SYT1: variants seen among roughly 807,000 people sequenced by gnomAD.
The protein encoded by SYT1 is synaptotagmin-1.
A neutral mutation model predicts 44.8 loss-of-function variants in SYT1; 8 were observed. The ratio of observed to expected loss-of-function variants is 0.18; its 90% CI spans 0.10 to 0.32. The LOEUF (loss-of-function observed/expected upper bound fraction) is 0.32, where lower values mean the gene tolerates loss of function less well. SYT1 is among the 10% of genes least tolerant of loss of function. The pLI is 1.00. For missense variants in SYT1, 286 were observed against 509.3 expected, an observed-to-expected ratio of 0.56 and a Z score of 4.22; for synonymous variants, 154 against 188.8, an observed-to-expected ratio of 0.82 and a Z score of 1.51.
At chr12:79,093,728 A>C (rs561556153) in intron 3 of SYT1, among the ~76,000 whole-genome samples, 3 of 151,856 alleles carry the variant, frequency 2.0e-5, no homozygotes, top group Admixed American at 6.6e-5. Flanking sequence ...ACAACAAAAA[A>C]TCCTTATGCC....
intron 4 of SYT1, among the ~76,000 whole-genome samples, chr12:79,262,725 G>C (rs977964922): frequency 3.3e-5 from 5 of 152,164 alleles, no homozygotes; most frequent in African/African-American, 1.2e-4. Flanking sequence ...GAAATGTACT[G>C]CAACTCTCAT....
chr12:79,431,749 G>C (rs1206336075), intron 9 of SYT1, among the ~76,000 whole-genome samples: 2 of 151,912 alleles, frequency 1.3e-5, no homozygotes, highest in African/African-American at 4.8e-5. Flanking sequence ...CACCATGTTG[G>C]TCAGGCTGGT....
intron 3 of SYT1, among the ~76,000 whole-genome samples, chr12:79,168,498 A>C (rs2138338705): frequency 6.6e-6 from 1 of 152,210 alleles, no homozygotes; most frequent in African/African-American, 2.4e-5. Context: ...TCTCTTTCAC[A>C]CAGAATATTG....
Position 79,444,155 on chromosome 12 carries a change from C to T in SYT1, c.1011C>T (p.Asn337=). Reference sequence around the variant, plus strand: ...CAACAATTAAAAAGAACACACTTAACCCCTACTACAATGAGTCATTCAGCT... The same window carrying T: ...CAACAATTAAAAAGAACACACTTAATCCCTACTACAATGAGTCATTCAGCT... ...KKTTIKKNTL[N]PYYNESFSFE... Residue 337 remains asparagine, a synonymous_variant, in exon 10 of 11, where the codon AAC becomes AAT. Transcript: ENST00000261205. The T allele has an allele frequency of 6.2e-7, 1 of 1,613,708 alleles. No individual in the cohort carries two copies. Among genetic ancestry groups the T allele is most frequent in the Non-Finnish European group, 8.5e-7 (1 of 1,179,712 alleles).
chr12:79,293,719 G>T (rs895466441), intron 6 of SYT1, among the ~76,000 whole-genome samples: 11 of 152,156 alleles, frequency 7.2e-5, no homozygotes, highest in Non-Finnish European at 1.3e-4. Context: ...ACTTTCTAAA[G>T]TTTCCAGAGG....
chr12:78,918,595 G>A (rs768322348), intron 1 of SYT1, among the ~76,000 whole-genome samples: 5 of 152,022 alleles, frequency 3.3e-5, no homozygotes, highest in East Asian at 3.9e-4. Flanking sequence ...CCTGAGCAGC[G>A]CAAATGCTCC....
chr12:79,273,444 G>T (rs1878541501), intron 4 of SYT1, among the ~76,000 whole-genome samples: 1 of 152,092 alleles, frequency 6.6e-6, no homozygotes, highest in Admixed American at 6.5e-5. Context: ...AAGGAAAAGA[G>T]AAACTTAACA....
At chr12:79,176,708 C>T (rs1374273340) in intron 3 of SYT1, among the ~76,000 whole-genome samples, 2 of 151,992 alleles carry the variant, frequency 1.3e-5, no homozygotes, top group Admixed American at 1.3e-4. Context: ...TATACCTTTG[C>T]TTACACCAAA....
chr12:79,159,485 G>C (rs748238882), intron 3 of SYT1, among the ~76,000 whole-genome samples: 3 of 152,142 alleles, frequency 2.0e-5, no homozygotes, highest in Non-Finnish European at 4.4e-5. Context: ...GAGAGACAGA[G>C]AGATAGACCA....
chr12:79,339,195 G>T (rs1882241384), intron 8 of SYT1, among the ~76,000 whole-genome samples: 1 of 152,154 alleles, frequency 6.6e-6, no homozygotes, highest in Non-Finnish European at 1.5e-5. Context: ...GTAATGGGAT[G>T]GCTGGGTCAA....
At chr12:79,136,392 C>G (rs1006375706) in intron 3 of SYT1, among the ~76,000 whole-genome samples, 14 of 152,136 alleles carry the variant, frequency 9.2e-5, no homozygotes, top group Non-Finnish European at 8.8e-5. Flanking sequence ...GGAATTGGAA[C>G]CCAATGTACT....
chr12:78,949,477 T>TA (rs1555183718), intron 1 of SYT1, among the ~76,000 whole-genome samples: 2,581 of 143,734 alleles, frequency 0.018, 33 homozygotes, highest in African/African-American at 0.029. Flanking sequence ...TATAGCTCAT[T>TA]AAAAAAAAAA....
intron 1 of SYT1, among the ~76,000 whole-genome samples, chr12:78,933,383 A>G (rs935550059): frequency 6.6e-6 from 1 of 152,182 alleles, no homozygotes; most frequent in African/African-American, 2.4e-5. Context: ...AGGAGCTAGA[A>G]CTTACTAAAT....
chr12:78,867,490 T>C (rs993969836), intron 1 of SYT1, among the ~76,000 whole-genome samples: 2 of 152,086 alleles, frequency 1.3e-5, no homozygotes, highest in African/African-American at 4.8e-5. Context: ...TAGGAAATTC[T>C]TACTTTGTTA....
Position 79,184,974 on chromosome 12 carries a change from G to T in SYT1, c.-17-32529G>T, listed in dbSNP as rs184524078. ...AGGATCTCTTTCCTGACATAAAACT[G>T]CATGAGCTGTGTTCTTACCGCAAGA... On this transcript the variant is annotated intron_variant, in intron 3 of 10. Transcript: ENST00000261205. Among the ~76,000 whole-genome samples the T allele has an allele frequency of 1.2e-4, 18 of 152,128 alleles. No homozygotes were observed. The East Asian group carries it at 3.3e-3, about 28-fold the overall frequency.
At position 79,291,991 on chromosome 12, in the gene SYT1, C is replaced by A. The variant is rs760027703; in HGVS notation, c.352-17C>A. The A allele has an allele frequency of 3.3e-5, 54 of 1,612,676 alleles. No individual in the cohort carries two copies. The highest frequency in any genetic ancestry group is 5.0e-5 in the Admixed American group (3 of 59,734). On this transcript the variant is annotated splice_polypyrimidine_tract_variant and intron_variant, in intron 5 of 10. Coordinates refer to ENST00000261205, the MANE Select transcript of SYT1 (RefSeq NM_005639.3). ...GAAAACTCTGAAATTCACATGTGAT[C>A]CTTTCTCTATACATAGGCCCTCAAG...
chr12:79,119,297 T>A (rs1262511619), intron 3 of SYT1, among the ~76,000 whole-genome samples: 1 of 152,204 alleles, frequency 6.6e-6, no homozygotes, highest in Admixed American at 6.5e-5. Flanking sequence ...GTATGCCATT[T>A]TGCTTTTTAA....
intron 9 of SYT1, among the ~76,000 whole-genome samples, chr12:79,355,255 G>A (rs886265924): frequency 1.3e-5 from 2 of 152,280 alleles, no homozygotes; most frequent in East Asian, 3.9e-4. Context: ...GTCATATAAT[G>A]TATAGTGAGG....
At chr12:78,876,782 A>T (rs1414049086) in intron 1 of SYT1, among the ~76,000 whole-genome samples, 8 of 93,280 alleles carry the variant, frequency 8.6e-5, no homozygotes, top group African/African-American at 3.8e-4. Flanking sequence ...TTTATATATT[A>T]TATAATACAT....
Sources: gnomAD v4.1 joint callset for allele counts (sites outside exome capture counted in the v4.1 genomes callset) on GRCh38, gnomAD v4.1.1 for gene constraint, MANE v1.5 for transcripts, NCBI Gene and HGNC (gene_info 2026-07-23, HGNC 2026-07-21) for gene names.